Variants in STIM2 observed in about 807,000 individuals in gnomAD.
STIM2 encodes stromal interaction molecule 2.
STIM2 carries 31 observed loss-of-function variants against 85.8 expected under a neutral mutation model. That is an observed-to-expected ratio of 0.36 (90% CI 0.27 to 0.49). STIM2 has a LOEUF of 0.49. Ranked by LOEUF, STIM2 falls within the 20% of genes least tolerant of loss-of-function variation. The pLI is 0.98. For synonymous variants in STIM2, 356 were observed against 331.1 expected, an observed-to-expected ratio of 1.08 and a Z score of -0.82; for missense variants, 841 against 927.6, an observed-to-expected ratio of 0.91 and a Z score of 1.21.
chr4:26,982,147 T>C (rs1359514453), intron 3 of STIM2, among the ~76,000 whole-genome samples: 1 of 152,186 alleles, frequency 6.6e-6, no homozygotes, highest in Non-Finnish European at 1.5e-5. Flanking sequence ...GGCGTTCTAC[T>C]ATAAGGAAGA....
At position 26,954,834 on chromosome 4, in the gene STIM2, G is replaced by GA. The variant is rs1430887452; in HGVS notation, c.283-2776dup. ...GCATGTTGAAGATCTGTAAGATACA[G>GA]AATATACTTTTATTTCATGTGGTTT... On this transcript the variant is annotated intron_variant, in intron 2 of 11. Transcript: ENST00000467087. Among the ~76,000 whole-genome samples, 10 of 147,802 alleles carry GA rather than the reference G, an allele frequency of 6.8e-5. 2 individuals are homozygous for GA. The highest frequency in any genetic ancestry group is 2.2e-4 in the South Asian group (1 of 4,648).
intron 1 of STIM2, among the ~76,000 whole-genome samples, chr4:26,867,657 G>T (rs191972770): frequency 4.8e-4 from 73 of 152,296 alleles, no homozygotes; most frequent in Admixed American, 9.8e-4. Flanking sequence ...TTTCATTGTT[G>T]TGTGAATTTC....
chr4:26,984,633 G>T (rs1157670534), intron 3 of STIM2, among the ~76,000 whole-genome samples: 1 of 152,188 alleles, frequency 6.6e-6, no homozygotes, highest in Admixed American at 6.5e-5. Context: ...CCAAAGTGCT[G>T]GGATTACAGG....
intron 1 of STIM2, among the ~76,000 whole-genome samples, chr4:26,862,401 T>A (rs1222847311): frequency 6.6e-6 from 1 of 151,868 alleles, no homozygotes; most frequent in Non-Finnish European, 1.5e-5. Context: ...CTAAAAAGTT[T>A]AAAGTGGCAG....
intron 2 of STIM2, among the ~76,000 whole-genome samples, chr4:26,939,476 C>T (rs1017451799): frequency 6.6e-6 from 1 of 152,082 alleles, no homozygotes; most frequent in African/African-American, 2.4e-5. Context: ...AGGGCTGAAT[C>T]GGATAAAGAT....
chr4:26,876,659 C>G (rs1035793201), intron 1 of STIM2, among the ~76,000 whole-genome samples: 3 of 151,990 alleles, frequency 2.0e-5, no homozygotes, highest in African/African-American at 7.2e-5. Context: ...ATTTAATGTA[C>G]TTGCTGAAAA....
At chr4:26,941,135 A>T (rs1390870095) in intron 2 of STIM2, among the ~76,000 whole-genome samples, 1 of 152,206 alleles carries the variant, frequency 6.6e-6, no homozygotes, top group Non-Finnish European at 1.5e-5. Flanking sequence ...ACCTACTGAC[A>T]GACAGCTTTT....
chr4:26,941,625 T>C (rs904725771), intron 2 of STIM2, among the ~76,000 whole-genome samples: 8 of 152,062 alleles, frequency 5.3e-5, no homozygotes, highest in African/African-American at 1.9e-4. Context: ...ATTCTTACTT[T>C]CTCCCCTTAA....
chr4:26,942,248 T>C (rs1168016846), intron 2 of STIM2, among the ~76,000 whole-genome samples: 1 of 152,164 alleles, frequency 6.6e-6, no homozygotes, highest in Non-Finnish European at 1.5e-5. Context: ...GTGAATTTCT[T>C]TACCTGTGTA....
intron 2 of STIM2, among the ~76,000 whole-genome samples, chr4:26,934,906 T>A: frequency 1.2e-5 from 1 of 80,628 alleles, no homozygotes; most frequent in Non-Finnish European, 2.2e-5. Context: ...AGAGCGAAAC[T>A]CCATCTCAAA....
chr4:26,957,833 A>G (rs532051164), intron 3 of STIM2, 107 bp downstream of exon 3: 393 of 652,012 alleles, frequency 6.0e-4, no homozygotes, highest in Middle Eastern at 2.0e-3. Flanking sequence ...TCAAAATAAC[A>G]TTTCTGTGAG....
chr4:26,986,139 A>G (rs11940153), intron 3 of STIM2, among the ~76,000 whole-genome samples: 2,953 of 152,246 alleles, frequency 0.019, 104 homozygotes, highest in African/African-American at 0.068. Context: ...CAGCTTCCTA[A>G]TCTATAAACC....
At chr4:26,942,468 A>C (rs1224292728) in intron 2 of STIM2, among the ~76,000 whole-genome samples, 1 of 152,098 alleles carries the variant, frequency 6.6e-6, no homozygotes, top group Admixed American at 6.6e-5. Context: ...TTAGAAAACA[A>C]AAACTCTCAA....
chr4:26,890,090 A>T (rs963284151), intron 1 of STIM2, among the ~76,000 whole-genome samples: 1 of 152,114 alleles, frequency 6.6e-6, no homozygotes. Context: ...TCCACAGGAG[A>T]GTTTTCCTTC....
At chr4:26,983,705 A>T (rs548046871) in intron 3 of STIM2, among the ~76,000 whole-genome samples, 1 of 152,362 alleles carries the variant, frequency 6.6e-6, no homozygotes, top group South Asian at 2.1e-4. Flanking sequence ...GGCCTTTGAT[A>T]TAATAAAGAA....
In STIM2 at chr4:27,024,721, T is replaced by C. The variant is rs1282877361; in HGVS notation, c.*1725T>C. The C allele has an allele frequency of 6.6e-6, 1 of 152,010 alleles. No homozygotes were observed. The highest frequency in any genetic ancestry group is 1.9e-4 in the East Asian group (1 of 5,194). The allele number at this position is 152,010 out of a possible 1,614,324, so 9.4% of individuals were successfully genotyped here. A position where few individuals can be genotyped will look rare whatever the true frequency, so the allele number is the denominator to read the frequency against. ...ACTAATGATAAGATAACCTGAGAGG[T>C]AGGGTTGAGGAACACAGGGTTGAAA... On this transcript the variant is annotated 3_prime_UTR_variant, in exon 12 of 12. Transcript: ENST00000467087.
intron 2 of STIM2, among the ~76,000 whole-genome samples, chr4:26,935,634 C>T (rs943995408): frequency 6.6e-6 from 1 of 152,106 alleles, no homozygotes; most frequent in East Asian, 1.9e-4. Flanking sequence ...GGGGATGGGA[C>T]CTAGCAATCC....
chr4:26,915,753 A>G (rs1235951966), intron 1 of STIM2, among the ~76,000 whole-genome samples: 3 of 152,214 alleles, frequency 2.0e-5, no homozygotes, highest in Admixed American at 1.3e-4. Flanking sequence ...AATGCTTAGC[A>G]TATAATACTC....
chr4:26,968,200 T>G (rs1726804805), intron 3 of STIM2, among the ~76,000 whole-genome samples: 1 of 151,980 alleles, frequency 6.6e-6, no homozygotes, highest in Admixed American at 6.6e-5. Flanking sequence ...TCAGGAAATT[T>G]AAATATTGGT....
Sources: gnomAD v4.1 joint callset for allele counts (sites outside exome capture counted in the v4.1 genomes callset) on GRCh38, gnomAD v4.1.1 for gene constraint, MANE v1.5 for transcripts, NCBI Gene and HGNC (gene_info 2026-07-23, HGNC 2026-07-21) for gene names.